Variants in LRP1B observed in about 807,000 individuals in gnomAD.
LRP1B encodes low-density lipoprotein receptor-related protein 1B.
LRP1B carries 217 observed loss-of-function variants against 556.6 expected under a neutral mutation model. The observed-to-expected ratio is 0.39, with a 90% confidence interval of 0.35 to 0.44. The LOEUF (loss-of-function observed/expected upper bound fraction) is 0.44, where lower values mean the gene tolerates loss of function less well. LRP1B is among the 20% of genes least tolerant of loss of function. LRP1B has a pLI of 1.00. For missense variants in LRP1B, 5,053 were observed against 5,620.8 expected, an observed-to-expected ratio of 0.90 and a Z score of 3.23; for synonymous variants, 2,047 against 1,865.8, an observed-to-expected ratio of 1.10 and a Z score of -2.50.
At chr2:142,027,093 G>C (rs1014774272) in intron 1 of LRP1B, among the ~76,000 whole-genome samples, 1 of 151,882 alleles carries the variant, frequency 6.6e-6, no homozygotes, top group African/African-American at 2.4e-5. Context: ...AATAGATGAG[G>C]GGAATCTGCA....
intron 2 of LRP1B, among the ~76,000 whole-genome samples, chr2:141,661,124 C>G (rs1235926424): frequency 6.6e-6 from 1 of 152,064 alleles, no homozygotes; most frequent in African/African-American, 2.4e-5. Context: ...AAACAGAAAG[C>G]AACAACAACA....
chr2:140,953,392 A>G (rs1185297729), intron 18 of LRP1B, among the ~76,000 whole-genome samples: 1 of 152,112 alleles, frequency 6.6e-6, no homozygotes, highest in Admixed American at 6.6e-5. Flanking sequence ...CCTGGCCCAT[A>G]TTCTTTAATT....
chr2:140,450,451 C>T (rs899374264), intron 63 of LRP1B, 117 bp downstream of exon 63: 2 of 753,154 alleles, frequency 2.7e-6, no homozygotes, highest in Non-Finnish European at 4.5e-6. Context: ...TAAAATTTTT[C>T]TATTTCAATT....
At chr2:141,461,632 G>C (rs1681876424) in intron 3 of LRP1B, among the ~76,000 whole-genome samples, 1 of 152,116 alleles carries the variant, frequency 6.6e-6, no homozygotes, top group Non-Finnish European at 1.5e-5. Context: ...TATCCAGACA[G>C]GTAAATAAAA....
intron 3 of LRP1B, among the ~76,000 whole-genome samples, chr2:141,276,151 T>G (rs561457582): frequency 6.6e-6 from 1 of 152,218 alleles, no homozygotes; most frequent in Admixed American, 6.5e-5. Context: ...AGTATTTTAT[T>G]TTTTATTTCC....
chr2:140,682,092 C>T (rs1685879247), intron 41 of LRP1B, among the ~76,000 whole-genome samples: 1 of 152,098 alleles, frequency 6.6e-6, no homozygotes, highest in African/African-American at 2.4e-5. Flanking sequence ...TATTAATAAC[C>T]TTAAAATATT....
At chr2:141,979,351 A>C (rs891110604) in intron 1 of LRP1B, among the ~76,000 whole-genome samples, 12 of 152,102 alleles carry the variant, frequency 7.9e-5, no homozygotes, top group African/African-American at 2.9e-4. Context: ...TTGAACAAAA[A>C]CCAGTGTAGT....
At chr2:141,073,265 T>C (rs1699695066) in intron 7 of LRP1B, among the ~76,000 whole-genome samples, 2 of 152,072 alleles carry the variant, frequency 1.3e-5, no homozygotes, top group African/African-American at 4.8e-5. Flanking sequence ...ACCAAGTATT[T>C]TCATATGGTT....
intron 11 of LRP1B, among the ~76,000 whole-genome samples, chr2:141,034,089 T>C (rs567666191): frequency 6.6e-6 from 1 of 152,224 alleles, no homozygotes; most frequent in East Asian, 1.9e-4. Context: ...TTTAAAAAAA[T>C]CTCTTTTAGT....
At chr2:141,643,837 C>T (rs1391006511) in intron 2 of LRP1B, among the ~76,000 whole-genome samples, 2 of 152,078 alleles carry the variant, frequency 1.3e-5, no homozygotes, top group Non-Finnish European at 2.9e-5. Context: ...TATCTAACTT[C>T]TCTAATTCTT....
intron 66 of LRP1B, among the ~76,000 whole-genome samples, chr2:140,420,516 A>G (rs1285633033): frequency 6.6e-6 from 1 of 152,218 alleles, no homozygotes; most frequent in African/African-American, 2.4e-5. Flanking sequence ...TCCTGTCTTC[A>G]GAGTAAAGAA....
At chr2:140,278,667 A>G (rs1002441606) in intron 84 of LRP1B, among the ~76,000 whole-genome samples, 33 of 152,040 alleles carry the variant, frequency 2.2e-4, no homozygotes, top group Non-Finnish European at 1.5e-5. Flanking sequence ...TTGGGAAATA[A>G]GCAAATATTA....
At chr2:141,323,019 A>C (rs572351214) in intron 3 of LRP1B, among the ~76,000 whole-genome samples, 104 of 152,242 alleles carry the variant, frequency 6.8e-4, no homozygotes, top group African/African-American at 2.4e-3. Context: ...GTCATAAAGA[A>C]GATTAAATAA....
chr2:141,848,100 G>T (rs996720752), intron 1 of LRP1B, among the ~76,000 whole-genome samples: 1 of 151,514 alleles, frequency 6.6e-6, no homozygotes, highest in Non-Finnish European at 1.5e-5. Context: ...AGAATAAAAT[G>T]CAACTTACAA....
At chr2:140,295,746 C>T (rs1462100199) in intron 84 of LRP1B, among the ~76,000 whole-genome samples, 4 of 151,694 alleles carry the variant, frequency 2.6e-5, no homozygotes, top group Non-Finnish European at 5.9e-5. Context: ...AAAACTAATG[C>T]AAAAAAGGAA....
intron 66 of LRP1B, among the ~76,000 whole-genome samples, chr2:140,422,936 C>A (rs1685507667): frequency 6.6e-6 from 1 of 152,158 alleles, no homozygotes; most frequent in South Asian, 2.1e-4. Context: ...CATGTTAATT[C>A]AGCAAGATGG....
chr2:140,823,556 C>T (rs1691399249), intron 31 of LRP1B, among the ~76,000 whole-genome samples: 1 of 151,904 alleles, frequency 6.6e-6, no homozygotes, highest in Non-Finnish European at 1.5e-5. Context: ...TGTAAAATTC[C>T]ATTTTAGAAA....
rs750134410 is a variant in LRP1B, at chr2:140,385,927, A to G, written c.10497T>C (p.Asn3499=). 2.5e-6 allele frequency: 4 copies of G among 1,613,238 alleles called. No individual in the cohort carries two copies. Among genetic ancestry groups the G allele is most frequent in the Non-Finnish European group, 8.5e-7 (1 of 1,179,276 alleles). ...CTTCATCTGAATTATCACTGCAGTC[A>G]TTTTGGCTATCACACCGCCAGTGAT... ...IPDHWRCDSQ[N]DCSDNSDEEN... is the part of the protein sequence containing the mutation. The change falls in exon 67 of 91, where the codon AAT becomes AAC. Residue 3499 remains asparagine (N), a synonymous_variant. Transcript: ENST00000389484.
At chr2:140,543,189 C>A (rs2105024942) in intron 43 of LRP1B, among the ~76,000 whole-genome samples, 1 of 152,044 alleles carries the variant, frequency 6.6e-6, no homozygotes, top group Non-Finnish European at 1.5e-5. Context: ...TGTATACCAG[C>A]AAAGTACTAT....
Sources: allele counts gnomAD v4.1 joint callset (sites outside exome capture counted in the v4.1 genomes callset), GRCh38; gene constraint gnomAD v4.1.1; transcripts MANE v1.5; gene names NCBI Gene and HGNC (gene_info 2026-07-23, HGNC 2026-07-21).